The following USP25 variants were observed in gnomAD, a reference collection of about 807,000 sequenced individuals.
USP25 encodes ubiquitin carboxyl-terminal hydrolase 25.
USP25 carries 85 observed loss-of-function variants against 158.5 expected under a neutral mutation model. The ratio of observed to expected loss-of-function variants is 0.54; its 90% CI spans 0.45 to 0.64. The LOEUF (loss-of-function observed/expected upper bound fraction) is 0.64, where lower values mean the gene tolerates loss of function less well. Among genes scored for constraint, USP25 ranks in the 30% least tolerant of loss-of-function variants. The pLI is 0.00. For synonymous variants in USP25, 464 were observed against 460.4 expected, an observed-to-expected ratio of 1.01 and a Z score of -0.10; for missense variants, 1,242 against 1,327.3, an observed-to-expected ratio of 0.94 and a Z score of 1.00.
intron 5 of USP25, chr21:15,799,402 A>T (rs1210381700): frequency 1.9e-5 from 3 of 158,882 alleles, no homozygotes. Flanking sequence ...TTAATGATAC[A>T]TCTAGATAAT....
intron 21 of USP25, among the ~76,000 whole-genome samples, chr21:15,865,352 C>A (rs2039610242): frequency 6.6e-6 from 1 of 151,972 alleles, no homozygotes; most frequent in Non-Finnish European, 1.5e-5. Context: ...CTCAAAAATA[C>A]TGAGTTAAAA....
In USP25 at chr21:15,805,146, G is replaced by A. The variant is rs562924540; in HGVS notation, c.668G>A (p.Arg223His). The A allele has an allele frequency of 9.9e-5, 158 of 1,596,398 alleles. 1 individual carries two copies. The South Asian group carries it at 1.2e-3, about 12-fold the overall frequency. The change falls in exon 7 of 26, where the codon CGT becomes CAT. Residue 223 changes from arginine (R) to histidine (H), a missense_variant. By Grantham distance (29) the Arg-to-His change is conservative. Transcript: ENST00000400183. ...QKEHRNLPFM[R>H]ELRYLFALLV... ...GAACATCGGAATTTGCCTTTTATGC[G>A]TGAGCTGAGGTATCTATTTGCACTT...
At chr21:15,757,478 A>G (rs2033453376) in intron 1 of USP25, among the ~76,000 whole-genome samples, 1 of 152,186 alleles carries the variant, frequency 6.6e-6, no homozygotes, top group African/African-American at 2.4e-5. Context: ...TAACAGTTTC[A>G]AAGACCTTGC....
At chr21:15,845,568 G>A (rs1355398369) in intron 18 of USP25, among the ~76,000 whole-genome samples, 1 of 152,070 alleles carries the variant, frequency 6.6e-6, no homozygotes, top group African/African-American at 2.4e-5. Flanking sequence ...AACTGAAAAG[G>A]TTTATAAAAC....
At chr21:15,804,548 T>G (rs956512696) in intron 6 of USP25, among the ~76,000 whole-genome samples, 1 of 152,044 alleles carries the variant, frequency 6.6e-6, no homozygotes, top group Admixed American at 6.6e-5. Flanking sequence ...ATTAGTCTAA[T>G]AATTAAGATT....
At chr21:15,878,248 A>C in intron 25 of USP25, 55 bp from the exon 26 acceptor site, 1 of 1,562,786 alleles carries the variant, frequency 6.4e-7, no homozygotes, top group Non-Finnish European at 8.7e-7. Flanking sequence ...TCATGTTGAC[A>C]ATGATCGTGT....
intron 14 of USP25, among the ~76,000 whole-genome samples, chr21:15,827,684 CAG>C (rs1322690263): frequency 6.6e-6 from 1 of 151,682 alleles, no homozygotes; most frequent in Non-Finnish European, 1.5e-5. Context: ...TAGTCTGTAA[CAG>C]AGTTTTTACT....
At chr21:15,750,181 C>T (rs980347507) in intron 1 of USP25, among the ~76,000 whole-genome samples, 2 of 126,942 alleles carry the variant, frequency 1.6e-5, no homozygotes, top group African/African-American at 3.4e-5. Flanking sequence ...TCTCCAGTGC[C>T]GTGTGTGTGT....
chr21:15,763,070 A>G (rs2033830123), intron 2 of USP25, 102 bp downstream of exon 2: 1 of 1,033,776 alleles, frequency 9.7e-7, no homozygotes, highest in Non-Finnish European at 1.4e-6. Context: ...ACCATGTGGT[A>G]GTTTTAGAGA....
chr21:15,815,792 A>G (rs2036909163), intron 9 of USP25, among the ~76,000 whole-genome samples: 1 of 152,208 alleles, frequency 6.6e-6, no homozygotes, highest in Admixed American at 6.5e-5. Context: ...TAATTTTAGT[A>G]GCCAAAAGGC....
At chr21:15,839,159 T>C (rs1568873401) in intron 17 of USP25, among the ~76,000 whole-genome samples, 1 of 152,292 alleles carries the variant, frequency 6.6e-6, no homozygotes, top group East Asian at 1.9e-4. Flanking sequence ...TTTTTGTTTG[T>C]TTGTTTCCAG....
intron 17 of USP25, among the ~76,000 whole-genome samples, chr21:15,837,897 G>A (rs567901133): frequency 1.3e-4 from 20 of 151,986 alleles, no homozygotes; most frequent in South Asian, 6.2e-4. Flanking sequence ...AAACAGTATC[G>A]TCAGTGTTCT....
chr21:15,783,838 T>C (rs11911814), intron 4 of USP25, among the ~76,000 whole-genome samples: 35,590 of 149,498 alleles, frequency 0.24, 5,738 homozygotes, highest in African/African-American at 0.47. Flanking sequence ...GGCATGGTGG[T>C]GGGTGCCGGT....
intron 22 of USP25, among the ~76,000 whole-genome samples, 172 bp downstream of exon 22, chr21:15,866,516 T>C (rs1044141173): frequency 3.3e-5 from 5 of 152,092 alleles, no homozygotes; most frequent in Non-Finnish European, 7.4e-5. Flanking sequence ...ATTTTAGGAT[T>C]AACATGATAT....
intron 17 of USP25, among the ~76,000 whole-genome samples, chr21:15,841,812 A>G (rs2038347071): frequency 6.6e-6 from 1 of 151,582 alleles, no homozygotes; most frequent in Non-Finnish European, 1.5e-5. Context: ...TCTAGGGAAC[A>G]CCCAGTGGAT....
intron 18 of USP25, among the ~76,000 whole-genome samples, chr21:15,844,138 G>A (rs1294481612): frequency 2.0e-5 from 3 of 152,026 alleles, no homozygotes; most frequent in Non-Finnish European, 4.4e-5. Context: ...TCCACAGTTA[G>A]CCCCATTGCA....
chr21:15,746,455 G>A (rs772192230), intron 1 of USP25, among the ~76,000 whole-genome samples: 4 of 151,426 alleles, frequency 2.6e-5, no homozygotes, highest in African/African-American at 4.9e-5. Flanking sequence ...TTTTTGAGAC[G>A]CAGTCTCACT....
rs561609487 is a variant in USP25 at position 15,775,687 on chromosome 21, C to A, written c.269-2217C>A. 2.1e-5 allele frequency among the ~76,000 whole-genome samples: 3 copies of A among 143,010 alleles called. No homozygotes were observed. The South Asian group carries it at 6.7e-4, about 32-fold the overall frequency. 93.8% of individuals were successfully genotyped at this position (143,010 alleles called of 152,430 possible). A position where few individuals can be genotyped will look rare whatever the true frequency, so the allele number is the denominator to read the frequency against. ...TGGAATACTGTGGAACAACTTAAAT[C>A]TTTTCAATCAAGCTAGAGAAAACAG... On this transcript the variant is annotated intron_variant, in intron 3 of 25. Coordinates refer to ENST00000400183, the MANE Select transcript of USP25 (RefSeq NM_001283041.3).
At chr21:15,757,514 C>T (rs1356901292) in intron 1 of USP25, among the ~76,000 whole-genome samples, 1 of 152,172 alleles carries the variant, frequency 6.6e-6, no homozygotes, top group African/African-American at 2.4e-5. Flanking sequence ...ACTCAGTATT[C>T]TTATTGCACT....
Sources: gnomAD v4.1 joint callset for allele counts (sites outside exome capture counted in the v4.1 genomes callset) on GRCh38, gnomAD v4.1.1 for gene constraint, MANE v1.5 for transcripts, NCBI Gene and HGNC (gene_info 2026-07-23, HGNC 2026-07-21) for gene names.